BMP7: variants seen among roughly 807,000 people sequenced by gnomAD.
BMP7 encodes the protein bone morphogenetic protein 7.
BMP7 carries 12 observed loss-of-function variants against 41.2 expected under a neutral mutation model. The ratio of observed to expected loss-of-function variants is 0.29; its 90% CI spans 0.19 to 0.47. The LOEUF is 0.47. BMP7 is among the 20% of genes least tolerant of loss of function. The probability of loss-of-function intolerance (pLI) is 0.99; values close to 1 mark genes in which losing one functional copy is unlikely to be tolerated. For missense variants in BMP7, 467 were observed against 606.0 expected, an observed-to-expected ratio of 0.77 and a Z score of 2.41; for synonymous variants, 248 against 250.0, an observed-to-expected ratio of 0.99 and a Z score of 0.07.
At chr20:57,212,346 C>CG (rs1357819250) in intron 2 of BMP7, among the ~76,000 whole-genome samples, 1 of 152,196 alleles carries the variant, frequency 6.6e-6, no homozygotes, top group Admixed American at 6.5e-5. Context: ...CACAGGTGCA[C>CG]GATGTCCCCT....
chr20:57,211,202 T>C (rs1159912727), intron 2 of BMP7, among the ~76,000 whole-genome samples: 1 of 152,212 alleles, frequency 6.6e-6, no homozygotes, highest in Admixed American at 6.5e-5. Flanking sequence ...ATGAGGTCAG[T>C]ACAATCCGCA....
intron 1 of BMP7, among the ~76,000 whole-genome samples, chr20:57,252,385 G>A (rs1194498779): frequency 1.3e-5 from 2 of 152,334 alleles, no homozygotes; most frequent in African/African-American, 4.8e-5. Flanking sequence ...GGAGACACGG[G>A]AAAATATAGC....
At chr20:57,200,589 T>G (rs918710831) in intron 3 of BMP7, among the ~76,000 whole-genome samples, 2 of 152,134 alleles carry the variant, frequency 1.3e-5, no homozygotes, top group Non-Finnish European at 2.9e-5. Flanking sequence ...TGGGGCCCAG[T>G]TGGAAGGTTT....
rs942368569 is a variant in BMP7, at chr20:57,228,616, C to T, written c.419-195G>A. On this transcript the variant is annotated intron_variant, in intron 1 of 6. Coordinates refer to ENST00000395863, the MANE Select transcript of BMP7 (RefSeq NM_001719.3). The surrounding 1 kb of genome is among the most constrained non-coding windows in gnomAD (Gnocchi z 4.5). ...TCACAGGCTCAGACCCCATGGTCCC[C>T]ATGGTCATCCTGAACGACAAGAGCA... 6.6e-6 allele frequency among the ~76,000 whole-genome samples: 1 copy of T among 152,188 alleles called. No individual in the cohort carries two copies. Among genetic ancestry groups the T allele is most frequent in the Admixed American group, 6.5e-5 (1 of 15,276 alleles).
At position 57,228,150 on chromosome 20, in the gene BMP7, T is replaced by C; in HGVS notation, c.611+79A>G. The C allele has an allele frequency of 6.6e-7, 1 of 1,514,660 alleles. No homozygotes were observed. Among genetic ancestry groups the C allele is most frequent in the South Asian group, 1.1e-5 (1 of 88,552 alleles). 93.8% of individuals were successfully genotyped at this position (1,514,660 alleles called of 1,614,324 possible). A position where few individuals can be genotyped will look rare whatever the true frequency, so the allele number is the denominator to read the frequency against. ...CACGTGGTTGTGCCAATCTGACCCA[T>C]CCTCTGGCCCTCACCACCTTCTTCC... On this transcript the variant is annotated intron_variant, in intron 2 of 6. Coordinates refer to ENST00000395863, the MANE Select transcript of BMP7 (RefSeq NM_001719.3). The surrounding 1 kb of genome is among the most constrained non-coding windows in gnomAD (Gnocchi z 4.5).
rs373385065 is a variant in BMP7 at position 57,184,151 on chromosome 20, G to A, written c.761-232C>T. ...TTCTCTGGGTTTCCATGCAAGTGGG[G>A]AAGGCAGGCAGGAAATATAAGGGGT... On this transcript the variant is annotated intron_variant, in intron 3 of 6. Transcript: ENST00000395863. Among the ~76,000 whole-genome samples, 8 of 152,180 alleles carry A rather than the reference G, an allele frequency of 5.3e-5. No homozygotes were observed. The East Asian group carries it at 1.5e-3, about 29-fold the overall frequency.
At chr20:57,185,898 G>A (rs1984198440) in intron 3 of BMP7, among the ~76,000 whole-genome samples, 1 of 151,814 alleles carries the variant, frequency 6.6e-6, no homozygotes, top group African/African-American at 2.4e-5. Flanking sequence ...TCAGGGCAGA[G>A]CTTTGCATAC....
chr20:57,261,430 C>A lies in BMP7; in HGVS notation c.418+4275G>T, dbSNP rs1172718757. Among the ~76,000 whole-genome samples the A allele has an allele frequency of 6.6e-6, 1 of 152,174 alleles. No individual in the cohort carries two copies. The highest frequency in any genetic ancestry group is 1.5e-5 in the Non-Finnish European group (1 of 68,042). On this transcript the variant is annotated intron_variant, in intron 1 of 6. Transcript: ENST00000395863. The surrounding 1 kb of genome is among the most constrained non-coding windows in gnomAD (Gnocchi z 4.1). ...ACCCAAGTTGGCATCCAGGGCTCAG[C>A]CTTACCCTGCCTTGATTCCAGAAGG... is the stretch of plus-strand genomic sequence containing the variant.
chr20:57,223,609 A>T (rs1985242126), intron 2 of BMP7, among the ~76,000 whole-genome samples: 1 of 152,166 alleles, frequency 6.6e-6, no homozygotes, highest in Non-Finnish European at 1.5e-5. Flanking sequence ...TGGGCAAGTT[A>T]CTTCCCACCT....
At position 57,183,247 on chromosome 20, in the gene BMP7, A is replaced by AAAAT. The variant is rs548612012; in HGVS notation, c.958+474_958+475insATTT. Among the ~76,000 whole-genome samples the AAAAT allele has an allele frequency of 9.2e-5, 14 of 151,626 alleles. No individual in the cohort carries two copies. The South Asian group carries it at 2.9e-3, about 32-fold the overall frequency. ...GAGACTTCATCTCAAAAAAAAAAAA[A>AAAAT]TGTGTGTGTGTGTATATATATATAA... On this transcript the variant is annotated intron_variant, in intron 4 of 6. Coordinates refer to ENST00000395863, the MANE Select transcript of BMP7 (RefSeq NM_001719.3).
chr20:57,230,536 G>A (rs1276082542), intron 1 of BMP7, among the ~76,000 whole-genome samples: 1 of 151,546 alleles, frequency 6.6e-6, no homozygotes, highest in Admixed American at 6.6e-5. Flanking sequence ...CCCAGGAGGT[G>A]TCCAGTGACC....
chr20:57,190,244 G>C (rs910582168), intron 3 of BMP7, among the ~76,000 whole-genome samples: 15 of 151,088 alleles, frequency 9.9e-5, no homozygotes, highest in Non-Finnish European at 2.1e-4. Context: ...GAGAGTGACC[G>C]AGGAACCAGA....
At chr20:57,216,751 T>C (rs1985041926) in intron 2 of BMP7, among the ~76,000 whole-genome samples, 1 of 152,136 alleles carries the variant, frequency 6.6e-6, no homozygotes, top group Non-Finnish European at 1.5e-5. Context: ...CCTCGAGGTC[T>C]GCGGCTCAGC....
chr20:57,235,877 T>G (rs574744632), intron 1 of BMP7, among the ~76,000 whole-genome samples: 1 of 152,268 alleles, frequency 6.6e-6, no homozygotes, highest in East Asian at 1.9e-4. Flanking sequence ...CTATTTTAGA[T>G]AGAGGACTGG....
At chr20:57,260,715 G>A (rs778455068) in intron 1 of BMP7, among the ~76,000 whole-genome samples, 28 of 152,168 alleles carry the variant, frequency 1.8e-4, no homozygotes, top group Non-Finnish European at 3.4e-4. Context: ...AGGCTAATCC[G>A]CACATTCCTT....
At chr20:57,182,285 T>A (rs927838) in intron 4 of BMP7, among the ~76,000 whole-genome samples, 1 of 152,192 alleles carries the variant, frequency 6.6e-6, no homozygotes, top group Non-Finnish European at 1.5e-5. Context: ...TGCCAGCAGG[T>A]CTGCTCCAGG....
At chr20:57,245,800 A>C (rs1343659697) in intron 1 of BMP7, among the ~76,000 whole-genome samples, 1 of 151,554 alleles carries the variant, frequency 6.6e-6, no homozygotes, top group Non-Finnish European at 1.5e-5. Context: ...CACCACGCCC[A>C]GCTGATTTTT....
At chr20:57,209,249 T>TATATATATATATATATATA (rs1555814048) in intron 2 of BMP7, among the ~76,000 whole-genome samples, 7 of 94,874 alleles carry the variant, frequency 7.4e-5, no homozygotes, top group South Asian at 4.0e-4. Flanking sequence ...TTATATATTT[T>TATATATATATATATATATA]TATATATATA....
chr20:57,181,112 C>A (rs550215128), intron 4 of BMP7, among the ~76,000 whole-genome samples: 12 of 152,268 alleles, frequency 7.9e-5, no homozygotes, highest in Non-Finnish European at 1.6e-4. Flanking sequence ...GCACCTCAGA[C>A]CTTTTTCTGC....
Sources: gnomAD v4.1 joint callset for allele counts (sites outside exome capture counted in the v4.1 genomes callset) on GRCh38, gnomAD v4.1.1 for gene constraint, Gnocchi (gnomAD v3.1) non-coding constraint, MANE v1.5 for transcripts, NCBI Gene and HGNC (gene_info 2026-07-23, HGNC 2026-07-21) for gene names.